Variants in PRMT5 observed in about 807,000 individuals in gnomAD.
The protein encoded by PRMT5 is protein arginine N-methyltransferase 5.
Under a neutral mutation model 84.0 loss-of-function variants are expected in PRMT5, and 15 were observed. The observed-to-expected ratio is 0.18, with a 90% CI of 0.12 to 0.28. The LOEUF (loss-of-function observed/expected upper bound fraction) is 0.28. Among genes scored for constraint, PRMT5 ranks in the 10% least tolerant of loss-of-function variants. PRMT5 has a pLI of 1.00. For missense variants in PRMT5, 486 were observed against 808.0 expected, an observed-to-expected ratio of 0.60 and a Z score of 4.83; for synonymous variants, 276 against 292.4, an observed-to-expected ratio of 0.94 and a Z score of 0.57.
Position 22,920,706 on chromosome 14 carries a change from G to A in PRMT5, c.*198C>T, listed in dbSNP as rs765814196. Reference sequence around the variant, plus strand: ...CTAATTCCTCACCCCCTGGCCTGAGGTCTTCATAGATTGGTGGCTTGAGCC... The same window carrying A: ...CTAATTCCTCACCCCCTGGCCTGAGATCTTCATAGATTGGTGGCTTGAGCC... On this transcript the variant is annotated 3_prime_UTR_variant, in exon 17 of 17. Coordinates refer to ENST00000324366, the MANE Select transcript of PRMT5 (RefSeq NM_006109.5). The A allele has an allele frequency of 7.5e-6, 6 of 799,326 alleles. No individual in the cohort carries two copies. In the East Asian group the frequency reaches 1.6e-4, roughly 21 times the overall value. 49.5% of individuals were successfully genotyped at this position (799,326 alleles called of 1,614,324 possible). A position where few individuals can be genotyped will look rare whatever the true frequency, so the allele number is the denominator to read the frequency against.
intron 15 of PRMT5, 48 bp downstream of exon 15, chr14:22,922,395 C>T: frequency 6.6e-7 from 1 of 1,508,294 alleles, no homozygotes; most frequent in Non-Finnish European, 9.2e-7. Flanking sequence ...ATAAGCTGCC[C>T]AGGAAGCACA....
intron 13 of PRMT5, 72 bp downstream of exon 13, chr14:22,922,979 T>C (rs1317841361): frequency 3.5e-6 from 5 of 1,431,690 alleles, no homozygotes; most frequent in African/African-American, 1.4e-5. Context: ...CAGAAGAAAA[T>C]AGCTGATGCA....
intron 5 of PRMT5, 52 bp from the exon 6 acceptor site, chr14:22,926,607 C>A: frequency 6.2e-7 from 1 of 1,609,696 alleles, no homozygotes; most frequent in Non-Finnish European, 8.5e-7. Context: ...GCCGACCAAT[C>A]ACCACAGCTC....
At chr14:22,921,263 G>A (rs2044290530) in intron 16 of PRMT5, 3 of 604,084 alleles carry the variant, frequency 5.0e-6, no homozygotes, top group South Asian at 4.4e-5. Flanking sequence ...CCTATGAAAG[G>A]GAACACTAAC....
Position 22,928,414 on chromosome 14 carries a change from G to T in PRMT5, c.229+83C>A. 1 of 1,290,008 alleles carries T rather than the reference G, an allele frequency of 7.8e-7. No individual in the cohort carries two copies. Among genetic ancestry groups the T allele is most frequent in the Non-Finnish European group, 1.1e-6 (1 of 888,942 alleles). The allele number at this position is 1,290,008 out of a possible 1,614,324, so 79.9% of individuals were successfully genotyped here. A position where few individuals can be genotyped will look rare whatever the true frequency, so the allele number is the denominator to read the frequency against. ...GGGACTAACAAATATATCCAAGTCA[G>T]AAAAGGAGGAGAATGAGGGCCCCGA... On this transcript the variant is annotated intron_variant, in intron 2 of 16. Coordinates refer to ENST00000324366, the MANE Select transcript of PRMT5 (RefSeq NM_006109.5). This position sits in a 1 kb window ranked among gnomAD's most constrained non-coding sequence, Gnocchi z 4.8.
intron 16 of PRMT5, 29 bp from the exon 17 acceptor site, chr14:22,921,085 G>C: frequency 1.9e-6 from 3 of 1,612,684 alleles, no homozygotes; most frequent in Non-Finnish European, 2.5e-6. Flanking sequence ...GAAGGTTCAG[G>C]GTGAAGCTAT....
chr14:22,926,464 G>C (rs773819456), intron 6 of PRMT5, 42 bp downstream of exon 6: 70 of 1,608,434 alleles, frequency 4.4e-5, no homozygotes, highest in Non-Finnish European at 5.8e-5. Context: ...TTCACAGGAG[G>C]TAAGAGAAGC....
Position 22,928,006 on chromosome 14 carries a change from G to T in PRMT5, c.315+120C>A. ...TTATAGGTGTGCACCACAGCACCCA[G>T]CCTAATAGCTTTAATTTCATTCTAT... On this transcript the variant is annotated intron_variant, in intron 3 of 16. Transcript: ENST00000324366. This position sits in a 1 kb window ranked among gnomAD's most constrained non-coding sequence, Gnocchi z 4.8. 1 of 909,728 alleles carries T rather than the reference G, an allele frequency of 1.1e-6. No individual in the cohort carries two copies. The highest frequency in any genetic ancestry group is 1.7e-6 in the Non-Finnish European group (1 of 591,024). 56.4% of individuals were successfully genotyped at this position (909,728 alleles called of 1,614,324 possible). A position where few individuals can be genotyped will look rare whatever the true frequency, so the allele number is the denominator to read the frequency against.
At position 22,926,253 on chromosome 14, in the gene PRMT5, A is replaced by C; in HGVS notation, c.657T>G (p.Asp219Glu). The C allele has an allele frequency of 6.2e-7, 1 of 1,613,950 alleles. No individual in the cohort carries two copies. The highest frequency in any genetic ancestry group is 8.5e-7 in the Non-Finnish European group (1 of 1,179,886). ...GADLPSNHVIDRWLGEPIKAA... is the reference protein window; with the variant it reads ...GADLPSNHVIERWLGEPIKAA... The stretch of plus-strand genomic sequence containing the variant: ...CTTTGATGGGCTCCCCAAGCCAGCG[A>C]TCAATGACATGATTAGATGGGAGGT... The change falls in exon 7 of 17, where the codon GAT becomes GAG. Residue 219 changes from aspartate (D) to glutamate (E), a missense_variant. Asp to Glu is a conservative substitution (Grantham distance 45). This residue lies in a region of PRMT5 where 215 missense variants were observed against 301.1 expected (regional missense o/e 0.71). Transcript: ENST00000324366.
intron 4 of PRMT5, among the ~76,000 whole-genome samples, chr14:22,927,311 C>A (rs377678127): frequency 6.6e-6 from 1 of 151,926 alleles, no homozygotes; most frequent in African/African-American, 2.4e-5. Flanking sequence ...GATTTCACCA[C>A]GCTGCCCAAG....
At chr14:22,926,403 C>T in intron 6 of PRMT5, 103 bp downstream of exon 6, 1 of 1,591,700 alleles carries the variant, frequency 6.3e-7, no homozygotes, top group Non-Finnish European at 8.6e-7. Flanking sequence ...CAGTCTGAGA[C>T]AGAGGGGAAG....
Position 22,924,120 on chromosome 14 carries a change from C to T in PRMT5, c.1263G>A (p.Arg421=). The T allele has an allele frequency of 1.9e-6, 3 of 1,613,806 alleles. No individual in the cohort carries two copies. Among genetic ancestry groups the T allele is most frequent in the Non-Finnish European group, 2.5e-6 (3 of 1,179,848 alleles). ...SQVTVVSSDM[R]EWVAPEKADI... ...CTGCTTTCTCTGGAGCCACCCATTCCCTCATGTCTGATGAGACTACGGTCA... is the reference window on the plus strand; with the variant it reads ...CTGCTTTCTCTGGAGCCACCCATTCTCTCATGTCTGATGAGACTACGGTCA... Residue 421 remains arginine, a synonymous_variant, in exon 12 of 17, where the codon AGG becomes AGA. Coordinates refer to ENST00000324366, the MANE Select transcript of PRMT5 (RefSeq NM_006109.5). This position sits in a 1 kb window ranked among gnomAD's most constrained non-coding sequence, Gnocchi z 6.5.
In PRMT5 at chr14:22,928,237, A is replaced by G. The variant is rs767818396; in HGVS notation, c.230-26T>C. ...CTGCACTCCCCCACCCAAGAAAGAC[A>G]AATACTGAATAAGGTTCAGCACTTT... On this transcript the variant is annotated intron_variant, in intron 2 of 16. Transcript: ENST00000324366. The surrounding 1 kb of genome is among the most constrained non-coding windows in gnomAD (Gnocchi z 4.8). 1.9e-6 allele frequency: 3 copies of G among 1,606,350 alleles called. No individual in the cohort carries two copies. In the African/African-American group the frequency reaches 4.0e-5, roughly 22 times the overall value.
At chr14:22,925,489 A>G (rs2044399448) in intron 7 of PRMT5, among the ~76,000 whole-genome samples, 1 of 152,008 alleles carries the variant, frequency 6.6e-6, no homozygotes, top group South Asian at 2.1e-4. Context: ...CTGTCCCAAT[A>G]CCAACAAAGG....
intron 7 of PRMT5, 83 bp from the exon 8 acceptor site, chr14:22,925,123 G>C: frequency 7.2e-7 from 1 of 1,380,236 alleles, no homozygotes; most frequent in East Asian, 2.3e-5. Flanking sequence ...GAGCCCTAGT[G>C]TAAAATAAGG....
rs1322229722 is a variant in PRMT5, at chr14:22,928,793, A to G, written c.111-178T>C. On this transcript the variant is annotated intron_variant, in intron 1 of 16. Transcript: ENST00000324366. This position sits in a 1 kb window ranked among gnomAD's most constrained non-coding sequence, Gnocchi z 4.8. Reference sequence around the variant, plus strand: ...ATCAACTCTGCTGTACTGTGCCTCAATTTCTCCCTAAAACACAGCCATGGG... The same window carrying G: ...ATCAACTCTGCTGTACTGTGCCTCAGTTTCTCCCTAAAACACAGCCATGGG... Among the ~76,000 whole-genome samples the G allele has an allele frequency of 6.6e-6, 1 of 152,106 alleles. No homozygotes were observed. The highest frequency in any genetic ancestry group is 1.5e-5 in the Non-Finnish European group (1 of 68,010).
In PRMT5 at chr14:22,928,446, A is replaced by T. The variant is rs749786653; in HGVS notation, c.229+51T>A. ...AGGAGAATGAGGGCCCCGATAAAGC[A>T]GAAGTTGTTATTGCCTCTAATAATT... On this transcript the variant is annotated intron_variant, in intron 2 of 16. Coordinates refer to ENST00000324366, the MANE Select transcript of PRMT5 (RefSeq NM_006109.5). This position sits in a 1 kb window ranked among gnomAD's most constrained non-coding sequence, Gnocchi z 4.8. 6.9e-7 allele frequency: 1 copy of T among 1,455,770 alleles called. No individual in the cohort carries two copies. The highest frequency in any genetic ancestry group is 9.6e-7 in the Non-Finnish European group (1 of 1,036,648). 90.2% of individuals were successfully genotyped at this position (1,455,770 alleles called of 1,614,324 possible).
rs764981197 is a variant in PRMT5, at chr14:22,926,458, C to G, written c.613+48G>C. 3 of 1,605,846 alleles carry G rather than the reference C, an allele frequency of 1.9e-6. No individual in the cohort carries two copies. In the African/African-American group the frequency reaches 4.0e-5, roughly 21 times the overall value. On this transcript the variant is annotated intron_variant, in intron 6 of 16. Transcript: ENST00000324366. ...ATATGAAATTCCTGATTCTTATTCA[C>G]AGGAGGTAAGAGAAGCCACACCCAT... is the stretch of plus-strand genomic sequence containing the variant.
intron 7 of PRMT5, 128 bp downstream of exon 7, chr14:22,926,005 A>G (rs2044410295): frequency 9.6e-7 from 1 of 1,044,940 alleles, no homozygotes; most frequent in Non-Finnish European, 1.4e-6. Context: ...CAAGATTCCC[A>G]ACTTCACTGA....
Sources: allele counts gnomAD v4.1 joint callset (sites outside exome capture counted in the v4.1 genomes callset), GRCh38; gene constraint gnomAD v4.1.1; regional missense constraint gnomAD v4.1.1; non-coding constraint Gnocchi (gnomAD v3.1); transcripts MANE v1.5; gene names NCBI Gene and HGNC (gene_info 2026-07-23, HGNC 2026-07-21).